SPINK7: variants seen among roughly 807,000 people sequenced by gnomAD.
SPINK7 encodes the protein serine peptidase inhibitor Kazal type 7, also known as serine protease inhibitor Kazal-type 7.
A neutral mutation model predicts 11.6 loss-of-function variants in SPINK7; 8 were observed. That is an observed-to-expected ratio of 0.69 (90% CI 0.41 to 1.25). The LOEUF is 1.25. SPINK7 is among the 50% of genes most tolerant of loss of function. The pLI, the probability that SPINK7 is intolerant of heterozygous loss-of-function variation, is 0.01. For missense variants in SPINK7, 113 were observed against 99.3 expected, an observed-to-expected ratio of 1.14 and a Z score of -0.58; for synonymous variants, 38 against 35.3, an observed-to-expected ratio of 1.08 and a Z score of -0.27.
chr5:148,313,190 A>C (rs562850120), intron 1 of SPINK7, among the ~76,000 whole-genome samples, 184 bp from the exon 2 acceptor site: 2 of 152,102 alleles, frequency 1.3e-5, no homozygotes, highest in African/African-American at 4.8e-5. Context: ...CCAAGGGTTA[A>C]CCTAACCCAT....
chr5:148,315,079 T>C (rs1756912146), intron 3 of SPINK7, among the ~76,000 whole-genome samples: 1 of 152,120 alleles, frequency 6.6e-6, no homozygotes. Context: ...AGATCTTGCG[T>C]TTTCATCTTT....
chr5:148,315,579 T>C, intron 3 of SPINK7, 60 bp from the exon 4 acceptor site: 1 of 1,031,880 alleles, frequency 9.7e-7, no homozygotes, highest in Non-Finnish European at 1.5e-6. Flanking sequence ...CTTTCAGCTC[T>C]AACATTACAT....
intron 2 of SPINK7, 66 bp downstream of exon 2, chr5:148,313,465 A>T: frequency 2.5e-6 from 3 of 1,212,482 alleles, no homozygotes; most frequent in Non-Finnish European, 3.6e-6. Flanking sequence ...ACATATATGT[A>T]GGATAAATTA....
At chr5:148,315,395 G>T (rs1756916911) in intron 3 of SPINK7, among the ~76,000 whole-genome samples, 1 of 152,132 alleles carries the variant, frequency 6.6e-6, no homozygotes, top group African/African-American at 2.4e-5. Context: ...AAGACACTGG[G>T]TGGTCAGTGG....
chr5:148,312,653 T>C (rs1756875542), intron 1 of SPINK7, 109 bp downstream of exon 1: 17 of 668,490 alleles, frequency 2.5e-5, no homozygotes, highest in Non-Finnish European at 4.5e-5. Context: ...GAATTTAAAG[T>C]GTACTGGTTT....
At chr5:148,313,209 C>G (rs1413130157) in intron 1 of SPINK7, among the ~76,000 whole-genome samples, 165 bp from the exon 2 acceptor site, 1 of 152,036 alleles carries the variant, frequency 6.6e-6, no homozygotes, top group Non-Finnish European at 1.5e-5. Context: ...ATTGGCCATT[C>G]AACTTCCTCA....
At position 148,314,140 on chromosome 5, in the gene SPINK7, T is replaced by C. The variant is rs751373729; in HGVS notation, c.128T>C (p.Ile43Thr). 54 of 1,613,610 alleles carry C rather than the reference T, an allele frequency of 3.3e-5. No individual in the cohort carries two copies. Among genetic ancestry groups the C allele is most frequent in the Non-Finnish European group, 4.4e-5 (52 of 1,179,796 alleles). ...TACAAGAAGTATCCAGTGGTGGCCA[T>C]CCCCTGCCCCATCACATACCTACCA... ...SIYKKYPVVA[I>T]PCPITYLPVC... The change falls in exon 3 of 4, where the codon ATC becomes ACC. Residue 43 changes from isoleucine to threonine, a missense_variant. Ile to Thr is a moderately conservative substitution (Grantham distance 89). Transcript: ENST00000274565.
chr5:148,312,556 T>G lies in SPINK7; in HGVS notation c.61+12T>G, dbSNP rs749505567. The stretch of plus-strand genomic sequence containing the variant: ...CTGTAGCAGCTCAGGTAAGTTAAGG[T>G]CAGACAGTGCCCTATATAGCCATTA... On this transcript the variant is annotated intron_variant, in intron 1 of 3. Coordinates refer to ENST00000274565, the MANE Select transcript of SPINK7 (RefSeq NM_032566.3). 2 of 1,550,692 alleles carry G rather than the reference T, an allele frequency of 1.3e-6. No individual in the cohort carries two copies. Among genetic ancestry groups the G allele is most frequent in the Admixed American group, 1.7e-5 (1 of 58,970 alleles).
At chr5:148,314,713 A>T (rs1384943754) in intron 3 of SPINK7, among the ~76,000 whole-genome samples, 1 of 152,126 alleles carries the variant, frequency 6.6e-6, no homozygotes. Context: ...AGATTCTAAG[A>T]TAATTAACAT....
Position 148,313,389 on chromosome 5 carries a change from C to A in SPINK7, c.77C>A (p.Ser26Tyr), listed in dbSNP as rs201613803. Reference sequence around the variant, plus strand: ...TCTTTTTCAGAAGCTGCTAGTCTGTCTCCAAAAAAAGTAAGTATGTTGAAT... The same window carrying A: ...TCTTTTTCAGAAGCTGCTAGTCTGTATCCAAAAAAAGTAAGTATGTTGAAT... ...FCSSSEAASL[S>Y]PKKVDCSIYK... Residue 26 changes from serine (S) to tyrosine (Y), a missense_variant, in exon 2 of 4, where the codon TCT becomes TAT. Physicochemically the swap from Ser to Tyr is moderately radical, Grantham distance 144. Transcript: ENST00000274565. 1.3e-5 allele frequency: 21 copies of A among 1,600,906 alleles called. No homozygotes were observed. The highest frequency in any genetic ancestry group is 1.7e-5 in the Non-Finnish European group (20 of 1,171,524).
In SPINK7 at chr5:148,314,204, T is replaced by C. The variant is rs1581178995; in HGVS notation, c.192T>C (p.Cys64=). ...ACTACATCACCTATGGGAATGAATG[T>C]CACTTGTGTACCGAGAGCTTGTGAG... ...GSDYITYGNE[C]HLCTESLKSN... The change falls in exon 3 of 4, where the codon TGT becomes TGC. Residue 64 remains cysteine, a synonymous_variant. Transcript: ENST00000274565. 5 of 1,613,786 alleles carry C rather than the reference T, an allele frequency of 3.1e-6. No individual in the cohort carries two copies. Among genetic ancestry groups the C allele is most frequent in the Non-Finnish European group, 4.2e-6 (5 of 1,179,748 alleles).
Position 148,315,653 on chromosome 5 carries a change from G to A in SPINK7, c.227G>A (p.Arg76Lys), listed in dbSNP as rs763300167. Residue 76 changes from arginine to lysine, a missense_variant, in exon 4 of 4, where the codon AGA becomes AAA. Physicochemically the swap from Arg to Lys is conservative, Grantham distance 26 (BLOSUM62 2). Coordinates refer to ENST00000274565, the MANE Select transcript of SPINK7 (RefSeq NM_032566.3). Reference sequence around the variant, plus strand: ...TCTTCCCTTAGGAAAAGTAATGGAAGAGTTCAGTTTCTTCACGATGGAAGT... The same window carrying A: ...TCTTCCCTTAGGAAAAGTAATGGAAAAGTTCAGTTTCTTCACGATGGAAGT... ...LCTESLKSNG[R>K]VQFLHDGSC is the part of the protein sequence containing the mutation. 17 of 1,602,798 alleles carry A rather than the reference G, an allele frequency of 1.1e-5. No individual in the cohort carries two copies. The Admixed American group carries it at 1.8e-4, about 17-fold the overall frequency.
intron 3 of SPINK7, among the ~76,000 whole-genome samples, chr5:148,314,750 A>G (rs1251076598): frequency 6.6e-6 from 1 of 152,122 alleles, no homozygotes; most frequent in African/African-American, 2.4e-5. Context: ...TTCTTAGACA[A>G]AGTGTCCCTA....
At chr5:148,315,581 A>G (rs1756920766) in intron 3 of SPINK7, 58 bp from the exon 4 acceptor site, 7 of 1,048,004 alleles carry the variant, frequency 6.7e-6, no homozygotes, top group Non-Finnish European at 1.0e-5. Context: ...TTCAGCTCTA[A>G]CATTACATAA....
At chr5:148,313,525 C>G (rs569176892) in intron 2 of SPINK7, 126 bp downstream of exon 2, 23 of 564,222 alleles carry the variant, frequency 4.1e-5, no homozygotes, top group Non-Finnish European at 1.5e-5. Context: ...GAAATGGTAC[C>G]TGTTCTCCAG....
At chr5:148,313,446 AT>A in intron 2 of SPINK7, 47 bp downstream of exon 2, 1 of 1,406,638 alleles carries the variant, frequency 7.1e-7, no homozygotes, top group Non-Finnish European at 1.0e-6. Flanking sequence ...ATTGACTGTC[AT>A]TTAGTCAACA....
At chr5:148,314,017 C>T in intron 2 of SPINK7, 83 bp from the exon 3 acceptor site, 1 of 1,568,526 alleles carries the variant, frequency 6.4e-7, no homozygotes, top group Non-Finnish European at 8.7e-7. Context: ...TGAGCTGGGA[C>T]TTCCAGCCCT....
rs747884448 is a variant in SPINK7, at chr5:148,313,392, CA to C, written c.87del (p.Val30TrpfsTer42). ...TTTTCAGAAGCTGCTAGTCTGTCTC[CA>C]AAAAAAGTAAGTATGTTGAATAACA... ...CSSSEAASLS[P>X]KKVDCSIYKK... On this transcript the variant is annotated frameshift_variant, in exon 2 of 4. Coordinates refer to ENST00000274565, the MANE Select transcript of SPINK7 (RefSeq NM_032566.3). LOFTEE classifies it high-confidence loss of function. 1.7e-5 allele frequency: 27 copies of C among 1,597,528 alleles called. No homozygotes were observed. The highest frequency in any genetic ancestry group is 2.3e-5 in the East Asian group (1 of 44,368).
At chr5:148,313,559 T>C in intron 2 of SPINK7, 160 bp downstream of exon 2, 4 of 469,578 alleles carry the variant, frequency 8.5e-6, no homozygotes, top group South Asian at 4.5e-5. Flanking sequence ...AAATATGACA[T>C]ACATATAAAC....
Sources: allele counts gnomAD v4.1 joint callset (sites outside exome capture counted in the v4.1 genomes callset), GRCh38; gene constraint gnomAD v4.1.1; transcripts MANE v1.5; gene names NCBI Gene and HGNC (gene_info 2026-07-23, HGNC 2026-07-21).